Variants in S100PBP observed in about 807,000 individuals in gnomAD.
S100PBP encodes the protein S100P-binding protein.
A neutral mutation model predicts 39.9 loss-of-function variants in S100PBP; 15 were observed. The observed-to-expected ratio is 0.38, with a 90% CI of 0.25 to 0.58. The LOEUF (loss-of-function observed/expected upper bound fraction) is 0.58, where lower values mean the gene tolerates loss of function less well. S100PBP is among the 20% of genes least tolerant of loss of function. The pLI, the probability that S100PBP is intolerant of heterozygous loss-of-function variation, is 0.70. For missense variants in S100PBP, 504 were observed against 487.3 expected, an observed-to-expected ratio of 1.03 and a Z score of -0.32; for synonymous variants, 178 against 180.3, an observed-to-expected ratio of 0.99 and a Z score of 0.10.
At position 32,846,784 on chromosome 1, in the gene S100PBP, CT is replaced by C. The variant is rs111939675; in HGVS notation, c.1025-6281del. On this transcript the variant is annotated intron_variant, in intron 5 of 6. Transcript: ENST00000373475. ...TTACTTTAAACAGTAAATTATCTTTCTTTTTTTTTTTTTTGAGACGGAGTTT... is the reference window on the plus strand; with the variant it reads ...TTACTTTAAACAGTAAATTATCTTTCTTTTTTTTTTTTTGAGACGGAGTTT... 4.9e-3 allele frequency: 696 copies of C among 141,924 alleles called. 2 individuals carry two copies. The highest frequency in any genetic ancestry group is 0.012 in the African/African-American group (485 of 39,060). 8.8% of individuals were successfully genotyped at this position (141,924 alleles called of 1,614,324 possible).
chr1:32,817,100 C>T (rs1638765864), upstream of S100PBP: 2 of 1,544,798 alleles, frequency 1.3e-6, no homozygotes, highest in Admixed American at 1.7e-5. Flanking sequence ...CCCGGCCCCA[C>T]ATACTTAGAA....
At chr1:32,851,925 T>A (rs1245986299) in intron 5 of S100PBP, among the ~76,000 whole-genome samples, 1 of 152,240 alleles carries the variant, frequency 6.6e-6, no homozygotes, top group African/African-American at 2.4e-5. Context: ...TTATTTCTGC[T>A]TCTATTGAGT....
chr1:32,849,474 T>C (rs1001101590), intron 5 of S100PBP, among the ~76,000 whole-genome samples: 2 of 152,230 alleles, frequency 1.3e-5, no homozygotes, highest in African/African-American at 4.8e-5. Flanking sequence ...TTGCCATCTG[T>C]GATTGTTAGA....
Position 32,826,849 on chromosome 1 carries a change from G to A in S100PBP, c.750G>A (p.Met250Ile), listed in dbSNP as rs747248067. The part of the protein sequence containing the change: ...RISDHSETPN[M>I]ELSCRNGGSH... ...CAGACCATTCAGAGACTCCTAATAT[G>A]GAGTTATCCTGCAGAAATGGTGGTT... Residue 250 changes from methionine (M) to isoleucine (I), a missense_variant, in exon 3 of 7, where the codon ATG becomes ATA. Met to Ile is a conservative substitution (Grantham distance 10). Coordinates refer to ENST00000373475, the MANE Select transcript of S100PBP (RefSeq NM_022753.4). The A allele has an allele frequency of 1.4e-5, 23 of 1,613,676 alleles. No individual in the cohort carries two copies. The South Asian group carries it at 2.4e-4, about 17-fold the overall frequency.
chr1:32,819,247 G>A (rs1638926321), intron 1 of S100PBP, among the ~76,000 whole-genome samples: 1 of 152,124 alleles, frequency 6.6e-6, no homozygotes, highest in African/African-American at 2.4e-5. Flanking sequence ...AGAATTAGAA[G>A]ATCGGAAAAA....
chr1:32,845,602 TTTCTC>T (rs751836969), intron 5 of S100PBP, among the ~76,000 whole-genome samples: 72 of 152,158 alleles, frequency 4.7e-4, no homozygotes, highest in Non-Finnish European at 8.8e-4. Flanking sequence ...AACTTTCTAT[TTTCTC>T]TAAGCATTTT....
intron 5 of S100PBP, among the ~76,000 whole-genome samples, chr1:32,833,610 C>T (rs140727638): frequency 0.013 from 2,010 of 152,238 alleles, 13 homozygotes; most frequent in South Asian, 0.019. Context: ...GATCCGCCCA[C>T]CTTGGCCTCC....
intron 4 of S100PBP, 48 bp from the exon 5 acceptor site, chr1:32,829,916 C>T (rs748326367): frequency 1.5e-6 from 2 of 1,330,098 alleles, no homozygotes; most frequent in South Asian, 1.2e-5. Context: ...CGCTATATTC[C>T]TGTTTCTAAT....
chr1:32,845,552 C>G (rs2148681731), intron 5 of S100PBP, among the ~76,000 whole-genome samples: 1 of 151,076 alleles, frequency 6.6e-6, no homozygotes, highest in African/African-American at 2.4e-5. Context: ...GCCTTGTTTT[C>G]TAGCTTTTTA....
chr1:32,831,955 C>T (rs1027597571), intron 5 of S100PBP, among the ~76,000 whole-genome samples: 6 of 152,176 alleles, frequency 3.9e-5, no homozygotes, highest in Non-Finnish European at 7.3e-5. Flanking sequence ...TTTCCCCATT[C>T]AGCAGTTCCT....
chr1:32,828,464 G>T (rs16835182), intron 4 of S100PBP, among the ~76,000 whole-genome samples: 4,179 of 152,154 alleles, frequency 0.027, 120 homozygotes, highest in African/African-American at 0.073. Flanking sequence ...AAATCATTTT[G>T]TTGTCCCTCC....
At chr1:32,823,573 G>A (rs981183906) in intron 1 of S100PBP, among the ~76,000 whole-genome samples, 2 of 152,154 alleles carry the variant, frequency 1.3e-5, no homozygotes, top group African/African-American at 2.4e-5. Flanking sequence ...CAGAGCACCT[G>A]GTTTATAATA....
chr1:32,834,126 T>C (rs1356538591), intron 5 of S100PBP: 3 of 197,208 alleles, frequency 1.5e-5, no homozygotes, highest in South Asian at 8.8e-5. Context: ...CAAAAAATTG[T>C]ATTAATTTTT....
In S100PBP at chr1:32,855,981, C is replaced by T; in HGVS notation, c.1170C>T (p.Asp390=). 6.2e-7 allele frequency: 1 copy of T among 1,613,794 alleles called. No homozygotes were observed. The change falls in exon 7 of 7, where the codon GAC becomes GAT. Residue 390 remains aspartate, a synonymous_variant. Coordinates refer to ENST00000373475, the MANE Select transcript of S100PBP (RefSeq NM_022753.4). The part of the protein sequence containing the change: ...LQRYSLTQWV[D]RNMRSHHRFQ... ...GATACAGTCTGACTCAGTGGGTTGA[C>T]AGGAACATGCGAAGCCACCATCGGT...
intron 5 of S100PBP, among the ~76,000 whole-genome samples, chr1:32,849,379 C>T (rs145446769): frequency 2.0e-4 from 30 of 152,274 alleles, no homozygotes; most frequent in African/African-American, 3.6e-4. Context: ...TCAAGCCATC[C>T]GCCTGCCTCG....
intron 4 of S100PBP, among the ~76,000 whole-genome samples, chr1:32,829,352 A>G (rs1426403704): frequency 6.6e-6 from 1 of 152,196 alleles, no homozygotes; most frequent in East Asian, 1.9e-4. Flanking sequence ...CTATTTTCTG[A>G]CTAACCTTGA....
intron 1 of S100PBP, among the ~76,000 whole-genome samples, chr1:32,820,386 T>G (rs1638996890): frequency 1.3e-5 from 2 of 152,110 alleles, no homozygotes; most frequent in South Asian, 2.1e-4. Context: ...CCTCAGGTGA[T>G]CCACCCACCT....
chr1:32,827,890 T>G (rs1460987094), intron 3 of S100PBP, 103 bp from the exon 4 acceptor site: 2 of 773,910 alleles, frequency 2.6e-6, no homozygotes, highest in Admixed American at 2.1e-5. Flanking sequence ...CGAATAGGCT[T>G]TTGTAGCCTT....
intron 6 of S100PBP, among the ~76,000 whole-genome samples, chr1:32,854,627 C>T (rs1469146325): frequency 6.6e-6 from 1 of 152,186 alleles, no homozygotes; most frequent in African/African-American, 2.4e-5. Context: ...GCACTGTTCA[C>T]AACTCAGCAG....
Sources: gnomAD v4.1 joint callset for allele counts (sites outside exome capture counted in the v4.1 genomes callset) on GRCh38, gnomAD v4.1.1 for gene constraint, MANE v1.5 for transcripts, NCBI Gene and HGNC (gene_info 2026-07-23, HGNC 2026-07-21) for gene names.